Variants in DENND1B observed in about 807,000 individuals in gnomAD.
DENND1B encodes DENN domain containing 1B, also known as DENN domain-containing protein 1B.
A neutral mutation model predicts 90.1 loss-of-function variants in DENND1B; 59 were observed. That is an observed-to-expected ratio of 0.65 (90% CI 0.53 to 0.81). The LOEUF is 0.81. Ranked by LOEUF, DENND1B falls within the 40% of genes least tolerant of loss-of-function variation. DENND1B has a pLI of 0.00. For missense variants in DENND1B, 862 were observed against 912.6 expected (o/e 0.94, Z 0.71); for synonymous variants, 337 against 324.6 (o/e 1.04, Z -0.41).
chr1:197,556,468 C>T (rs1050401885), intron 15 of DENND1B, among the ~76,000 whole-genome samples: 14 of 151,936 alleles, frequency 9.2e-5, no homozygotes, highest in African/African-American at 3.4e-4. Context: ...ATAAACATAG[C>T]CTAAAATAAT....
chr1:197,510,310 A>T lies in DENND1B; in HGVS notation c.*150T>A. The T allele has an allele frequency of 1.2e-6, 1 of 859,036 alleles. No homozygotes were observed. Among genetic ancestry groups the T allele is most frequent in the Non-Finnish European group, 1.7e-6 (1 of 581,182 alleles). 53.2% of individuals were successfully genotyped at this position (859,036 alleles called of 1,614,324 possible). ...TTATATTTAAAAATCAATGCATTTC[A>T]TATATCCTCGAAATGAACAAGTGAG... On this transcript the variant is annotated 3_prime_UTR_variant, in exon 23 of 23. Coordinates refer to ENST00000620048, the MANE Select transcript of DENND1B (RefSeq NM_001195215.2).
At chr1:197,608,967 G>A (rs1000631454) in intron 12 of DENND1B, among the ~76,000 whole-genome samples, 1 of 150,224 alleles carries the variant, frequency 6.7e-6, no homozygotes, top group African/African-American at 2.4e-5. Flanking sequence ...GGAAAAAATA[G>A]AGTGTAACAA....
chr1:197,742,942 C>A (rs1663353695), intron 2 of DENND1B, among the ~76,000 whole-genome samples: 1 of 152,076 alleles, frequency 6.6e-6, no homozygotes, highest in African/African-American at 2.4e-5. Context: ...GCAGATAAAA[C>A]CATGGACATG....
chr1:197,554,115 A>T (rs1241655960), intron 15 of DENND1B, among the ~76,000 whole-genome samples: 1 of 149,002 alleles, frequency 6.7e-6, no homozygotes, highest in Admixed American at 6.7e-5. Flanking sequence ...ACACACACAC[A>T]CACACACACA....
At chr1:197,750,745 G>A in intron 2 of DENND1B, among the ~76,000 whole-genome samples, 1 of 152,038 alleles carries the variant, frequency 6.6e-6, no homozygotes. Flanking sequence ...AGCATCACAA[G>A]CAAATTTCTG....
At chr1:197,517,867 G>T (rs1668508447) in intron 20 of DENND1B, among the ~76,000 whole-genome samples, 1 of 151,744 alleles carries the variant, frequency 6.6e-6, no homozygotes, top group South Asian at 2.1e-4. Flanking sequence ...CTACACGTGG[G>T]CTGACATGCT....
intron 3 of DENND1B, among the ~76,000 whole-genome samples, chr1:197,687,986 A>C (rs1657432202): frequency 6.6e-6 from 1 of 152,176 alleles, no homozygotes. Context: ...GGATATAAAA[A>C]TCAACATACA....
rs1661110493 is a variant in DENND1B, at chr1:197,720,909, A to G, written c.83-5835T>C. 2.0e-5 allele frequency among the ~76,000 whole-genome samples: 3 copies of G among 152,274 alleles called. No individual in the cohort carries two copies. The South Asian group carries it at 6.2e-4, about 32-fold the overall frequency. The stretch of plus-strand genomic sequence containing the variant: ...AACATATATAAGCAGATGTTTGTAC[A>G]AATTATTTTGAAGTTAACCTATAGA... On this transcript the variant is annotated intron_variant, in intron 2 of 22. Coordinates refer to ENST00000620048, the MANE Select transcript of DENND1B (RefSeq NM_001195215.2).
chr1:197,563,152 C>T (rs1373206048), intron 15 of DENND1B, among the ~76,000 whole-genome samples: 2 of 151,898 alleles, frequency 1.3e-5, no homozygotes, highest in Non-Finnish European at 2.9e-5. Flanking sequence ...AGCAAGTTAT[C>T]CAAAAGATCT....
chr1:197,615,504 T>A (rs1013699339), intron 11 of DENND1B, among the ~76,000 whole-genome samples: 1 of 151,026 alleles, frequency 6.6e-6, no homozygotes, highest in African/African-American at 2.4e-5. Context: ...TCCTATCAAA[T>A]CTTCATGACA....
intron 2 of DENND1B, among the ~76,000 whole-genome samples, chr1:197,724,853 T>C (rs1329602786): frequency 6.6e-6 from 1 of 151,910 alleles, no homozygotes; most frequent in African/African-American, 2.4e-5. Context: ...GAACAGCATA[T>C]CTTATAAAAC....
At chr1:197,638,411 CA>C (rs376111604) in intron 10 of DENND1B, among the ~76,000 whole-genome samples, 1 of 152,158 alleles carries the variant, frequency 6.6e-6, no homozygotes, top group African/African-American at 2.4e-5. Flanking sequence ...CTACAGGCCA[CA>C]AAGATACACT....
intron 10 of DENND1B, among the ~76,000 whole-genome samples, chr1:197,636,195 A>C (rs1679775715): frequency 6.6e-6 from 1 of 152,120 alleles, no homozygotes. Context: ...AGATGAGAAA[A>C]TGGAAAATGA....
intron 15 of DENND1B, among the ~76,000 whole-genome samples, chr1:197,578,053 C>G (rs1162614439): frequency 6.6e-6 from 1 of 152,058 alleles, no homozygotes; most frequent in Non-Finnish European, 1.5e-5. Flanking sequence ...TAGTTGGTAG[C>G]TTCTGCTTTG....
At chr1:197,553,785 T>C (rs1378148201) in intron 15 of DENND1B, among the ~76,000 whole-genome samples, 2 of 152,108 alleles carry the variant, frequency 1.3e-5, no homozygotes, top group Non-Finnish European at 2.9e-5. Flanking sequence ...GGAATTATGA[T>C]TATTAAGTTA....
At chr1:197,763,202 T>G (rs1363799577) in intron 2 of DENND1B, among the ~76,000 whole-genome samples, 3 of 152,170 alleles carry the variant, frequency 2.0e-5, no homozygotes, top group Non-Finnish European at 2.9e-5. Flanking sequence ...TACTGGCTAC[T>G]CAGAAGACTG....
At chr1:197,537,367 G>C (rs1023157125) in intron 20 of DENND1B, among the ~76,000 whole-genome samples, 5 of 152,046 alleles carry the variant, frequency 3.3e-5, no homozygotes, top group African/African-American at 1.2e-4. Flanking sequence ...AATCAATGCA[G>C]ATAACTGAAT....
Position 197,642,702 on chromosome 1 carries a change from A to G in DENND1B, c.672+9T>C. ...TACCTGCTACTTAAAAGAAGTGTGA[A>G]GTACTTACAGTGCTTAATTTGCTCG... On this transcript the variant is annotated intron_variant, in intron 10 of 22. Transcript: ENST00000620048. 1 of 1,598,016 alleles carries G rather than the reference A, an allele frequency of 6.3e-7. No individual in the cohort carries two copies.
At chr1:197,766,056 A>G (rs1655656820) in intron 2 of DENND1B, among the ~76,000 whole-genome samples, 1 of 152,202 alleles carries the variant, frequency 6.6e-6, no homozygotes, top group African/African-American at 2.4e-5. Context: ...ATCACATTAC[A>G]TTTTGTTCCT....
Sources: allele counts gnomAD v4.1 joint callset (sites outside exome capture counted in the v4.1 genomes callset), GRCh38; gene constraint gnomAD v4.1.1; transcripts MANE v1.5; gene names NCBI Gene and HGNC (gene_info 2026-07-23, HGNC 2026-07-21).